SGK3: variants seen among roughly 807,000 people sequenced by gnomAD.
SGK3 encodes serum/glucocorticoid regulated kinase family member 3.
A neutral mutation model predicts 68.5 loss-of-function variants in SGK3; 47 were observed. The ratio of observed to expected loss-of-function variants is 0.69; its 90% CI spans 0.54 to 0.87. The LOEUF (loss-of-function observed/expected upper bound fraction) is 0.87, where lower values mean the gene tolerates loss of function less well. Among genes scored for constraint, SGK3 ranks in the 40% least tolerant of loss-of-function variants. The pLI is 0.00. For missense variants in SGK3, 479 were observed against 575.5 expected (o/e 0.83, Z 1.72); for synonymous variants, 181 against 189.1 (o/e 0.96, Z 0.35).
At chr8:66,848,893 A>AT (rs1279502684) in intron 15 of SGK3, among the ~76,000 whole-genome samples, 2 of 152,166 alleles carry the variant, frequency 1.3e-5, no homozygotes, top group Admixed American at 6.6e-5. Context: ...TAGCCAGTAG[A>AT]ATTGCTGGAT....
At chr8:66,731,422 T>C (rs1805148626) in intron 1 of SGK3, among the ~76,000 whole-genome samples, 1 of 152,240 alleles carries the variant, frequency 6.6e-6, no homozygotes, top group South Asian at 2.1e-4. Context: ...GTTACCAAGA[T>C]AAAAGGCTCA....
At chr8:66,814,050 C>A in intron 5 of SGK3, 122 bp downstream of exon 5, 1 of 680,290 alleles carries the variant, frequency 1.5e-6, no homozygotes, top group Non-Finnish European at 2.1e-6. Context: ...TTTGTAAAAT[C>A]TTCTTTGAGC....
At chr8:66,773,462 T>C (rs1806582412) in intron 1 of SGK3, among the ~76,000 whole-genome samples, 1 of 152,210 alleles carries the variant, frequency 6.6e-6, no homozygotes, top group South Asian at 2.1e-4. Context: ...CTGCAGATAG[T>C]ACTGGACCCC....
intron 8 of SGK3, among the ~76,000 whole-genome samples, chr8:66,833,039 C>G (rs1809368016): frequency 6.6e-6 from 1 of 150,430 alleles, no homozygotes; most frequent in Non-Finnish European, 1.5e-5. Flanking sequence ...TCACTCTGTT[C>G]CCAGCCTGGA....
chr8:66,825,820 A>G (rs767470023), intron 6 of SGK3, among the ~76,000 whole-genome samples: 35 of 152,302 alleles, frequency 2.3e-4, no homozygotes, highest in African/African-American at 5.8e-4. Context: ...AGTAAGTACA[A>G]TTGTCTAATT....
intron 1 of SGK3, among the ~76,000 whole-genome samples, chr8:66,768,588 G>A (rs1806401852): frequency 6.6e-6 from 1 of 151,854 alleles, no homozygotes; most frequent in African/African-American, 2.4e-5. Flanking sequence ...ATTTTGAGAT[G>A]GAATCTTGCT....
intron 1 of SGK3, among the ~76,000 whole-genome samples, chr8:66,735,880 G>T (rs1360929872): frequency 6.6e-6 from 1 of 152,058 alleles, no homozygotes; most frequent in Non-Finnish European, 1.5e-5. Context: ...TTGAACAGTG[G>T]CACTCAATAG....
At chr8:66,816,125 C>G (rs1197529427) in intron 5 of SGK3, among the ~76,000 whole-genome samples, 1 of 151,174 alleles carries the variant, frequency 6.6e-6, no homozygotes, top group Non-Finnish European at 1.5e-5. Context: ...TCAGCCTCCC[C>G]AGTAGCTGGG....
In SGK3 at chr8:66,847,219, T is replaced by C. The variant is rs759580583; in HGVS notation, c.1101T>C (p.Ala367=). ...CTCCTTTTTATTGCCGAGATGTTGCTGAAATGTATGACAATATCCTTCACA... is the reference window on the plus strand; with the variant it reads ...CTCCTTTTTATTGCCGAGATGTTGCCGAAATGTATGACAATATCCTTCACA... ...GLPPFYCRDV[A]EMYDNILHKP... The change falls in exon 15 of 17, where the codon GCT becomes GCC. Residue 367 remains alanine, a synonymous_variant. Transcript: ENST00000521198. The C allele has an allele frequency of 4.3e-6, 7 of 1,610,274 alleles. No individual in the cohort carries two copies. Among genetic ancestry groups the C allele is most frequent in the Non-Finnish European group, 5.1e-6 (6 of 1,178,688 alleles).
chr8:66,725,667 A>G (rs1408456211), intron 1 of SGK3, among the ~76,000 whole-genome samples: 1 of 151,968 alleles, frequency 6.6e-6, no homozygotes, highest in African/African-American at 2.4e-5. Context: ...TGTATAGTCT[A>G]GTCTCAAAGG....
intron 3 of SGK3, 43 bp downstream of exon 3, chr8:66,798,668 C>T (rs202135577): frequency 4.2e-5 from 63 of 1,505,790 alleles, no homozygotes; most frequent in Non-Finnish European, 5.2e-5. Context: ...AGAAAGCACC[C>T]GAGAAAACCC....
intron 1 of SGK3, among the ~76,000 whole-genome samples, chr8:66,777,771 G>A (rs1046148241): frequency 6.6e-6 from 1 of 152,092 alleles, no homozygotes; most frequent in Non-Finnish European, 1.5e-5. Flanking sequence ...ATGATTTAAA[G>A]CCCACTTTTA....
chr8:66,789,100 C>T (rs902770634), intron 1 of SGK3, among the ~76,000 whole-genome samples: 5 of 149,848 alleles, frequency 3.3e-5, no homozygotes, highest in East Asian at 1.9e-4. Flanking sequence ...ACCAGATGTC[C>T]GGGATTATGC....
At chr8:66,735,217 G>A (rs1027963641) in intron 1 of SGK3, among the ~76,000 whole-genome samples, 26 of 152,306 alleles carry the variant, frequency 1.7e-4, no homozygotes, top group Admixed American at 1.5e-3. Context: ...GTGGCCAATA[G>A]TGTAGACTGT....
intron 1 of SGK3, among the ~76,000 whole-genome samples, chr8:66,749,932 GGTGTGTGTGTGTGT>G (rs139702561): frequency 4.4e-4 from 64 of 144,922 alleles, no homozygotes; most frequent in Non-Finnish European, 7.8e-4. Context: ...TAGTTTCTAG[GGTGTGTGTGTGTGT>G]GTGTGTGTGT....
At chr8:66,841,832 G>A (rs1809808709) in intron 13 of SGK3, among the ~76,000 whole-genome samples, 1 of 152,104 alleles carries the variant, frequency 6.6e-6, no homozygotes, top group Non-Finnish European at 1.5e-5. Context: ...CAATAGTAAT[G>A]ATCCTTACAA....
Position 66,849,030 on chromosome 8 carries a change from G to A in SGK3, c.1230+1682G>A, listed in dbSNP as rs772578777. The stretch of plus-strand genomic sequence containing the variant: ...GCTTTTCTTTCTGTATTTCTGGACC[G>A]TTCTCCATTATTTCCTGTGTAAGCT... On this transcript the variant is annotated intron_variant, in intron 15 of 16. Transcript: ENST00000521198. Among the ~76,000 whole-genome samples the A allele has an allele frequency of 2.3e-4, 35 of 152,108 alleles. 1 individual carries two copies. Among genetic ancestry groups the A allele is most frequent in the Admixed American group, 2.0e-3 (30 of 15,262 alleles).
At chr8:66,833,918 C>T (rs929203835) in intron 8 of SGK3, among the ~76,000 whole-genome samples, 2 of 151,576 alleles carry the variant, frequency 1.3e-5, no homozygotes, top group African/African-American at 2.4e-5. Context: ...CTCGAACTCC[C>T]GACGTCAGAT....
chr8:66,756,660 G>C (rs1805987899), intron 1 of SGK3, among the ~76,000 whole-genome samples: 2 of 137,942 alleles, frequency 1.4e-5, no homozygotes, highest in South Asian at 4.6e-4. Flanking sequence ...GCTCACTGCA[G>C]CCTCAATCTC....
Sources: gnomAD v4.1 joint callset for allele counts (sites outside exome capture counted in the v4.1 genomes callset) on GRCh38, gnomAD v4.1.1 for gene constraint, MANE v1.5 for transcripts, NCBI Gene and HGNC (gene_info 2026-07-23, HGNC 2026-07-21) for gene names.